Variants in TAOK2 observed in about 807,000 individuals in gnomAD.
TAOK2 encodes TAO kinase 2.
In TAOK2, 42 loss-of-function variants were observed where a neutral mutation model predicts 122.5. The observed-to-expected ratio is 0.34, with a 90% CI of 0.27 to 0.44. TAOK2 has a LOEUF of 0.44. Among genes scored for constraint, TAOK2 ranks in the 20% least tolerant of loss-of-function variants. The pLI is 1.00. For synonymous variants in TAOK2, 704 were observed against 677.6 expected, an observed-to-expected ratio of 1.04 and a Z score of -0.61; for missense variants, 1,264 against 1,644.9, an observed-to-expected ratio of 0.77 and a Z score of 4.01.
In TAOK2 at chr16:29,983,262, G is replaced by T. The variant is rs376173807; in HGVS notation, c.1190G>T (p.Arg397Leu). 1 of 1,608,210 alleles carries T rather than the reference G, an allele frequency of 6.2e-7. No individual in the cohort carries two copies. The highest frequency in any genetic ancestry group is 1.7e-5 in the Admixed American group (1 of 60,012). The change falls in exon 12 of 16, where the codon CGG (arginine) becomes CTG (leucine). Residue 397 changes from arginine (R) to leucine (L), a missense_variant. Around this residue, in one of 4 missense-constraint regions of TAOK2, gnomAD observed 122 missense variants for 116.7 expected, o/e 1.04. Coordinates refer to ENST00000308893, the MANE Select transcript of TAOK2 (RefSeq NM_016151.4). ...EEEEEEGPEAREMAMMQEGEH... is the reference protein window; with the variant it reads ...EEEEEEGPEALEMAMMQEGEH... ...GAGGAGGAAGAAGGCCCTGAAGCCCGGGAGATGGCCATGATGCAGGAGGGG... is the reference window on the plus strand; with the variant it reads ...GAGGAGGAAGAAGGCCCTGAAGCCCTGGAGATGGCCATGATGCAGGAGGGG...
Position 29,977,781 on chromosome 16 carries a change from T to G in TAOK2, c.9T>G (p.Ala3=). 6.2e-7 allele frequency: 1 copy of G among 1,613,960 alleles called. No individual in the cohort carries two copies. The highest frequency in any genetic ancestry group is 1.1e-5 in the South Asian group (1 of 91,074). Residue 3 remains alanine (A), a synonymous_variant, in exon 2 of 16, where the codon GCT becomes GCG. Coordinates refer to ENST00000308893, the MANE Select transcript of TAOK2 (RefSeq NM_016151.4). MP[A]GGRAGSLKDP... is the part of the protein sequence containing the mutation. ...GGCCCCCAGGGGCCACCATGCCAGC[T>G]GGGGGCCGGGCCGGGAGCCTGAAGG...
rs1161263860 is a variant in TAOK2, at chr16:29,979,157, G to A, written c.450-38G>A. 9 of 1,613,564 alleles carry A rather than the reference G, an allele frequency of 5.6e-6. No individual in the cohort carries two copies. Among genetic ancestry groups the A allele is most frequent in the Non-Finnish European group, 7.6e-6 (9 of 1,179,616 alleles). The stretch of plus-strand genomic sequence containing the variant: ...TGGGCTGCCCCTGCCTAGCTTTCTT[G>A]AGACACATGTCTCATCCCTGTACTT... On this transcript the variant is annotated intron_variant, in intron 6 of 15. Coordinates refer to ENST00000308893, the MANE Select transcript of TAOK2 (RefSeq NM_016151.4). This position sits in a 1 kb window ranked among gnomAD's most constrained non-coding sequence, Gnocchi z 4.1.
Position 29,985,323 on chromosome 16 carries a change from A to T in TAOK2, c.1533A>T (p.Ser511=). ...AGAAGCAGCTGCTGGCCCTGGAGTCACGGCTGAGGGGTGAACGGGAGGAGC... is the reference window on the plus strand; with the variant it reads ...AGAAGCAGCTGCTGGCCCTGGAGTCTCGGCTGAGGGGTGAACGGGAGGAGC... ...QHQKQLLALE[S]RLRGEREEHS... Residue 511 remains serine, a synonymous_variant, in exon 14 of 16, where the codon TCA becomes TCT. Coordinates refer to ENST00000308893, the MANE Select transcript of TAOK2 (RefSeq NM_016151.4). This position sits in a 1 kb window ranked among gnomAD's most constrained non-coding sequence, Gnocchi z 6.9. 2 of 1,609,930 alleles carry T rather than the reference A, an allele frequency of 1.2e-6. No individual in the cohort carries two copies. Among genetic ancestry groups the T allele is most frequent in the Non-Finnish European group, 1.7e-6 (2 of 1,177,472 alleles).
At chr16:29,983,377 C>G in intron 12 of TAOK2, 45 bp downstream of exon 12, 1 of 1,564,838 alleles carries the variant, frequency 6.4e-7, no homozygotes, top group Non-Finnish European at 8.6e-7. Flanking sequence ...TGCTCTAGAA[C>G]TGCCTGGGTC....
At chr16:29,989,980 G>A (rs2069929298), downstream of TAOK2, 3 of 639,140 alleles carry the variant, frequency 4.7e-6, no homozygotes, top group East Asian at 2.8e-5. Flanking sequence ...CTCCTCAGTG[G>A]TTTTATTCTT....
intron 4 of TAOK2, 26 bp from the exon 5 acceptor site, chr16:29,978,766 GACTCTGA>G: frequency 6.2e-7 from 1 of 1,613,758 alleles, no homozygotes; most frequent in Non-Finnish European, 8.5e-7. Flanking sequence ...CTGCCCAGGA[GACTCTGA>G]TCTCTGACCC....
rs1158375732 is a variant in TAOK2, at chr16:29,986,196, C to G, written c.1993-69C>G. On this transcript the variant is annotated intron_variant, in intron 15 of 15. Transcript: ENST00000308893. The surrounding 1 kb of genome is among the most constrained non-coding windows in gnomAD (Gnocchi z 4.2). ...TTCCGCCATCCCCAGCTCCCTCTGC[C>G]AAGGAGCCCTGGCCTCTCACTTCCT... The G allele has an allele frequency of 6.7e-7, 1 of 1,501,008 alleles. No homozygotes were observed. The highest frequency in any genetic ancestry group is 1.4e-5 in the African/African-American group (1 of 71,216). The allele number at this position is 1,501,008 out of a possible 1,614,324, so 93.0% of individuals were successfully genotyped here.
chr16:29,977,794 G>A lies in TAOK2; in HGVS notation c.22G>A (p.Gly8Arg), dbSNP rs755972701. The A allele has an allele frequency of 2.9e-5, 47 of 1,614,036 alleles. No individual in the cohort carries two copies. Among genetic ancestry groups the A allele is most frequent in the African/African-American group, 1.7e-4 (13 of 74,932 alleles). The part of the protein sequence containing the change: MPAGGRA[G>R]SLKDPDVAEL... ...CACCATGCCAGCTGGGGGCCGGGCC[G>A]GGAGCCTGAAGGACCCAGATGTGGC... Residue 8 changes from glycine to arginine, a missense_variant, in exon 2 of 16, where the codon GGG (glycine) becomes AGG (arginine). By Grantham distance (125) the Gly-to-Arg change is moderately radical. Transcript: ENST00000308893.
At chr16:29,983,394 C>T in intron 12 of TAOK2, 62 bp downstream of exon 12, 3 of 1,560,944 alleles carry the variant, frequency 1.9e-6, no homozygotes, top group Non-Finnish European at 2.6e-6. Context: ...GGTCTTCGCC[C>T]TCCTTCCCTA....
Position 29,986,423 on chromosome 16 carries a change from G to T in TAOK2, c.2151G>T (p.Gln717His). Reference sequence around the variant, plus strand: ...AGCACCAGACGGAGCTGGGCAACCAGCTGGAGTACAACAAGCGGCGTGAGC... The same window carrying T: ...AGCACCAGACGGAGCTGGGCAACCATCTGGAGTACAACAAGCGGCGTGAGC... ...RLQHQTELGN[Q>H]LEYNKRREQE... Residue 717 changes from glutamine (Q) to histidine (H), a missense_variant, in exon 16 of 16, where the codon CAG becomes CAT. Coordinates refer to ENST00000308893, the MANE Select transcript of TAOK2 (RefSeq NM_016151.4). This position sits in a 1 kb window ranked among gnomAD's most constrained non-coding sequence, Gnocchi z 4.2. The T allele has an allele frequency of 6.2e-7, 1 of 1,611,470 alleles. No homozygotes were observed. The highest frequency in any genetic ancestry group is 1.7e-4 in the Middle Eastern group (1 of 6,052).
At chr16:29,991,851 T>C (rs1050295907), downstream of TAOK2, 4 of 365,140 alleles carry the variant, frequency 1.1e-5, no homozygotes, top group Non-Finnish European at 2.0e-5. This position sits in a 1 kb window ranked among gnomAD's most constrained non-coding sequence, Gnocchi z 5.6. Context: ...GTGTCAAATA[T>C]TCATCTAGTC....
At position 29,985,314 on chromosome 16, in the gene TAOK2, C is replaced by T; in HGVS notation, c.1524C>T (p.Ala508=). The T allele has an allele frequency of 6.2e-7, 1 of 1,609,348 alleles. No individual in the cohort carries two copies. The highest frequency in any genetic ancestry group is 8.5e-7 in the Non-Finnish European group (1 of 1,177,082). The change falls in exon 14 of 16, where the codon GCC becomes GCT. Residue 508 remains alanine, a synonymous_variant. Coordinates refer to ENST00000308893, the MANE Select transcript of TAOK2 (RefSeq NM_016151.4). The surrounding 1 kb of genome is among the most constrained non-coding windows in gnomAD (Gnocchi z 6.9). ...GACAGCACCAGAAGCAGCTGCTGGC[C>T]CTGGAGTCACGGCTGAGGGGTGAAC... ...MRRQHQKQLL[A]LESRLRGERE...
chr16:29,989,941 G>A (rs764942331), downstream of TAOK2: 9 of 747,850 alleles, frequency 1.2e-5, no homozygotes, highest in South Asian at 3.7e-5. Flanking sequence ...CCCTCTGTTC[G>A]TGTTCTCCAC....
chr16:29,980,374 T>C (rs2069577292), intron 8 of TAOK2: 1 of 152,296 alleles, frequency 6.6e-6, no homozygotes, highest in Admixed American at 6.5e-5. Context: ...CTGTCTTAAG[T>C]ACTGATGCCA....
At chr16:29,975,365 G>A (rs2069422584) in intron 1 of TAOK2, among the ~76,000 whole-genome samples, 1 of 152,190 alleles carries the variant, frequency 6.6e-6, no homozygotes, top group South Asian at 2.1e-4. Flanking sequence ...GGTTGCCCAA[G>A]GTCACACAGT....
chr16:29,986,839 C>A lies in TAOK2; in HGVS notation c.2567C>A (p.Pro856His). 1 of 1,613,946 alleles carries A rather than the reference C, an allele frequency of 6.2e-7. No homozygotes were observed. Among genetic ancestry groups the A allele is most frequent in the Non-Finnish European group, 8.5e-7 (1 of 1,179,942 alleles). The change falls in exon 16 of 16, where the codon CCC (proline) becomes CAC (histidine). Residue 856 changes from proline (P) to histidine (H), a missense_variant. By Grantham distance (77) the Pro-to-His change is moderately conservative (BLOSUM62 -2). This residue lies in a region of TAOK2 where 824 missense variants were observed against 908.7 expected (regional missense o/e 0.91). Transcript: ENST00000308893. This position sits in a 1 kb window ranked among gnomAD's most constrained non-coding sequence, Gnocchi z 4.2. The stretch of plus-strand genomic sequence containing the variant: ...GAGCTTAGGGTGCCCTCCCTTGTAC[C>A]CCAGGAGAGGAGCATTGTTGGCCAG... Reference protein sequence around the residue: ...IEELRVPSLVPQERSIVGQEE... With the variant: ...IEELRVPSLVHQERSIVGQEE...
At chr16:29,989,684 C>T, downstream of TAOK2, 3 of 1,614,078 alleles carry the variant, frequency 1.9e-6, no homozygotes, top group Non-Finnish European at 1.7e-6. Context: ...TTGCTGGAGA[C>T]CACGCCCAAA....
chr16:29,982,959 G>T, intron 11 of TAOK2, 58 bp downstream of exon 11: 1 of 1,605,638 alleles, frequency 6.2e-7, no homozygotes, highest in Non-Finnish European at 8.5e-7. Flanking sequence ...GCCCCCTGCA[G>T]TTGCTTGGCC....
Position 29,987,517 on chromosome 16 carries a change from C to T in TAOK2, c.3245C>T (p.Ser1082Phe). 3 of 1,608,996 alleles carry T rather than the reference C, an allele frequency of 1.9e-6. No homozygotes were observed. In the South Asian group the frequency reaches 3.3e-5, roughly 18 times the overall value. ...QQGPRVRRGI[S>F]RLWLRVLLRL... Reference sequence around the variant, plus strand: ...GGCCCCCGGGTGCGCCGGGGCATATCTCGACTCTGGTTGCGGGTTCTGCTG... The same window carrying T: ...GGCCCCCGGGTGCGCCGGGGCATATTTCGACTCTGGTTGCGGGTTCTGCTG... The change falls in exon 16 of 16, where the codon TCT becomes TTT. Residue 1082 changes from serine to phenylalanine, a missense_variant. Around this residue, in one of 4 missense-constraint regions of TAOK2, gnomAD observed 824 missense variants for 908.7 expected, o/e 0.91. Transcript: ENST00000308893.
Sources: gnomAD v4.1 joint callset for allele counts (sites outside exome capture counted in the v4.1 genomes callset) on GRCh38, gnomAD v4.1.1 for gene constraint, gnomAD v4.1.1 regional missense constraint, Gnocchi (gnomAD v3.1) non-coding constraint, MANE v1.5 for transcripts, NCBI Gene and HGNC (gene_info 2026-07-23, HGNC 2026-07-21) for gene names.